Variants in EYS observed in about 807,000 individuals in gnomAD.
EYS encodes protein eyes shut homolog.
In EYS, 250 loss-of-function variants were observed where a neutral mutation model predicts 282.1. The ratio of observed to expected loss-of-function variants is 0.89; its 90% CI spans 0.80 to 0.98. The LOEUF (loss-of-function observed/expected upper bound fraction) is 0.98, where lower values mean the gene tolerates loss of function less well. EYS is among the 50% of genes least tolerant of loss of function. The pLI, the probability that EYS is intolerant of heterozygous loss-of-function variation, is 0.00. For synonymous variants in EYS, 1,355 were observed against 1,282.9 expected, an observed-to-expected ratio of 1.06 and a Z score of -1.20; for missense variants, 4,016 against 3,709.0, an observed-to-expected ratio of 1.08 and a Z score of -2.15.
At chr6:65,092,482 G>T (rs1488316508) in intron 12 of EYS, among the ~76,000 whole-genome samples, 2 of 152,134 alleles carry the variant, frequency 1.3e-5, no homozygotes. Context: ...AATGCAAAAA[G>T]TCATGCAACA....
rs1315731676 is a variant in EYS at position 64,475,566 on chromosome 6, A to AG, written c.5645-36215_5645-36214insC. Among the ~76,000 whole-genome samples the AG allele has an allele frequency of 2.8e-5, 2 of 70,432 alleles. 1 individual carries two copies. Among genetic ancestry groups the AG allele is most frequent in the East Asian group, 1.6e-3 (2 of 1,228 alleles). 46.2% of individuals were successfully genotyped at this position (70,432 alleles called of 152,430 possible). ...ACTCCGTCTCAAAAAAAAAAAAAAAAAAAAAAAGAAAAGAAAAAATACCAA... is the reference window on the plus strand; with the variant it reads ...ACTCCGTCTCAAAAAAAAAAAAAAAAGAAAAAAAGAAAAGAAAAAATACCAA... On this transcript the variant is annotated intron_variant, in intron 26 of 42. Coordinates refer to ENST00000503581, the MANE Select transcript of EYS (RefSeq NM_001142800.2).
intron 41 of EYS, among the ~76,000 whole-genome samples, chr6:63,745,405 G>T (rs188327173): frequency 3.2e-4 from 48 of 152,338 alleles, no homozygotes; most frequent in Middle Eastern, 6.8e-3. Flanking sequence ...AGGAAAAGAA[G>T]AAACTGCCTC....
intron 26 of EYS, among the ~76,000 whole-genome samples, chr6:64,549,842 C>T (rs991853641): frequency 2.0e-5 from 3 of 151,162 alleles, no homozygotes; most frequent in African/African-American, 7.3e-5. Flanking sequence ...CCCATTAACT[C>T]GTCATTTAAC....
chr6:64,002,275 T>C (rs1768132402), intron 33 of EYS, among the ~76,000 whole-genome samples: 1 of 152,206 alleles, frequency 6.6e-6, no homozygotes, highest in Admixed American at 6.5e-5. Context: ...TCCGTCTTGC[T>C]GAGAGCCACC....
intron 30 of EYS, among the ~76,000 whole-genome samples, chr6:64,238,845 T>A (rs1287460847): frequency 6.6e-6 from 1 of 152,194 alleles, no homozygotes; most frequent in Non-Finnish European, 1.5e-5. Context: ...GGTGGCTTGC[T>A]GCAAGCATCA....
chr6:64,457,299 G>A (rs1272626483), intron 26 of EYS, among the ~76,000 whole-genome samples: 3 of 151,976 alleles, frequency 2.0e-5, no homozygotes, highest in African/African-American at 7.2e-5. Flanking sequence ...CTATCCTAGA[G>A]AATGTTTTAT....
chr6:65,142,237 T>C (rs1764364113), intron 12 of EYS, among the ~76,000 whole-genome samples: 1 of 152,010 alleles, frequency 6.6e-6, no homozygotes, highest in African/African-American at 2.4e-5. Context: ...ATATTTTATT[T>C]CTCTTTAGTT....
At chr6:64,820,854 C>A (rs1483658403) in intron 21 of EYS, among the ~76,000 whole-genome samples, 2 of 152,080 alleles carry the variant, frequency 1.3e-5, no homozygotes, top group Admixed American at 6.6e-5. Flanking sequence ...TGTACATTCT[C>A]ACACATGACC....
chr6:64,567,588 G>A (rs535374859), intron 26 of EYS, among the ~76,000 whole-genome samples: 1 of 152,238 alleles, frequency 6.6e-6, no homozygotes, highest in African/African-American at 2.4e-5. Flanking sequence ...AGCACAATAT[G>A]CTTACACCTA....
At chr6:65,080,632 G>T (rs1265950614) in intron 12 of EYS, among the ~76,000 whole-genome samples, 3 of 151,856 alleles carry the variant, frequency 2.0e-5, no homozygotes, top group Non-Finnish European at 2.9e-5. Context: ...ATTTTGAATT[G>T]ATTTGTTTGG....
chr6:64,555,451 T>C (rs1158217879), intron 26 of EYS, among the ~76,000 whole-genome samples: 1 of 151,882 alleles, frequency 6.6e-6, no homozygotes, highest in African/African-American at 2.4e-5. Flanking sequence ...CGACTATAGT[T>C]AATGCATTGT....
intron 29 of EYS, 86 bp downstream of exon 29, chr6:64,388,604 T>C: frequency 3.1e-6 from 4 of 1,286,082 alleles, no homozygotes; most frequent in Admixed American, 3.3e-5. Flanking sequence ...AAAATATTTC[T>C]AAAGTTTTTC....
chr6:64,547,910 G>C (rs112547847), intron 26 of EYS, among the ~76,000 whole-genome samples: 1,899 of 152,314 alleles, frequency 0.012, 40 homozygotes, highest in African/African-American at 0.042. Context: ...CAGCACAGCA[G>C]CTGCTGGCCC....
chr6:65,260,216 C>A (rs1009468213), intron 12 of EYS, among the ~76,000 whole-genome samples: 1 of 151,954 alleles, frequency 6.6e-6, no homozygotes, highest in Non-Finnish European at 1.5e-5. Context: ...ACTATCAGAA[C>A]AGCATGGGGG....
At chr6:64,625,125 G>GT (rs1767564060) in intron 23 of EYS, among the ~76,000 whole-genome samples, 1 of 152,060 alleles carries the variant, frequency 6.6e-6, no homozygotes, top group Admixed American at 6.6e-5. Flanking sequence ...TTGAACATCC[G>GT]TTTTGGGTTA....
chr6:64,856,843 C>G (rs373719072), intron 19 of EYS, among the ~76,000 whole-genome samples: 1 of 151,974 alleles, frequency 6.6e-6, no homozygotes, highest in East Asian at 1.9e-4. Flanking sequence ...CATGCCAACC[C>G]TAGGTAACTT....
At position 65,661,412 on chromosome 6, in the gene EYS, T is replaced by C. The variant is rs115692388; in HGVS notation, c.-447-21520A>G. 4.9e-3 allele frequency among the ~76,000 whole-genome samples: 745 copies of C among 152,060 alleles called. 6 individuals are homozygous for C. Among genetic ancestry groups the C allele is most frequent in the African/African-American group, 0.017 (703 of 41,526 alleles). On this transcript the variant is annotated intron_variant, in intron 1 of 42. Transcript: ENST00000503581. Reference sequence around the variant, plus strand: ...TGAGGCTTAAAAAGATTATATAAATTTAAACAGAGTAAATTTGCACAAGGC... The same window carrying C: ...TGAGGCTTAAAAAGATTATATAAATCTAAACAGAGTAAATTTGCACAAGGC...
chr6:64,063,766 T>C (rs981323243), intron 33 of EYS, among the ~76,000 whole-genome samples: 9 of 152,126 alleles, frequency 5.9e-5, no homozygotes, highest in Non-Finnish European at 1.5e-5. Flanking sequence ...CTTGCTCTGA[T>C]CCCAAGGCTG....
chr6:64,132,742 G>A (rs1442291028), intron 31 of EYS, among the ~76,000 whole-genome samples: 2 of 151,584 alleles, frequency 1.3e-5, no homozygotes, highest in South Asian at 2.1e-4. Context: ...TATTTGTCTA[G>A]TTTTTAAAAA....
Sources: gnomAD v4.1 joint callset for allele counts (sites outside exome capture counted in the v4.1 genomes callset) on GRCh38, gnomAD v4.1.1 for gene constraint, MANE v1.5 for transcripts, NCBI Gene and HGNC (gene_info 2026-07-23, HGNC 2026-07-21) for gene names.